Variants in COG5 observed in about 807,000 individuals in gnomAD.
The protein encoded by COG5 is component of oligomeric golgi complex 5, also known as conserved oligomeric Golgi complex subunit 5.
In COG5, 86 loss-of-function variants were observed where a neutral mutation model predicts 110.4. That is an observed-to-expected ratio of 0.78 (90% CI 0.65 to 0.93). The LOEUF is 0.93. COG5 is among the 40% of genes least tolerant of loss of function. COG5 has a pLI of 0.00. For synonymous variants in COG5, 360 were observed against 334.6 expected (o/e 1.08, Z -0.83); for missense variants, 1,077 against 987.0 (o/e 1.09, Z -1.22).
chr7:107,422,349 C>A (rs1793356072), intron 6 of COG5, among the ~76,000 whole-genome samples: 1 of 152,060 alleles, frequency 6.6e-6, no homozygotes, highest in African/African-American at 2.4e-5. Flanking sequence ...CATGGTGAAA[C>A]CCTGTCTCTA....
chr7:107,468,420 GGTGT>G (rs35406143), intron 6 of COG5, among the ~76,000 whole-genome samples: 1 of 149,512 alleles, frequency 6.7e-6, no homozygotes, highest in Admixed American at 6.7e-5. Flanking sequence ...TGTGTGCTGT[GGTGT>G]GTGTGTGTGT....
intron 11 of COG5, among the ~76,000 whole-genome samples, chr7:107,319,348 T>A (rs1809043575): frequency 6.6e-6 from 1 of 152,248 alleles, no homozygotes; most frequent in African/African-American, 2.4e-5. Flanking sequence ...TCTTCTCATG[T>A]CCACTCATTT....
At chr7:107,426,542 T>C (rs1793653629) in intron 6 of COG5, among the ~76,000 whole-genome samples, 1 of 152,148 alleles carries the variant, frequency 6.6e-6, no homozygotes, top group Non-Finnish European at 1.5e-5. Context: ...GGCTGTAGGC[T>C]TGTATCCTCA....
intron 6 of COG5, among the ~76,000 whole-genome samples, chr7:107,469,135 T>C (rs1450164210): frequency 6.6e-6 from 1 of 151,722 alleles, no homozygotes; most frequent in East Asian, 1.9e-4. Context: ...ATGATTTGGC[T>C]TTATAACTTA....
chr7:107,469,762 T>C (rs1288469483), intron 6 of COG5, among the ~76,000 whole-genome samples: 1 of 152,138 alleles, frequency 6.6e-6, no homozygotes, highest in African/African-American at 2.4e-5. Flanking sequence ...TATGTAATTC[T>C]TTCCTGTTCC....
At chr7:107,517,214 C>A (rs1162422173) in intron 6 of COG5, among the ~76,000 whole-genome samples, 3 of 151,658 alleles carry the variant, frequency 2.0e-5, no homozygotes, top group Non-Finnish European at 4.4e-5. Flanking sequence ...GTATCAACAG[C>A]CGAATAGATC....
chr7:107,535,210 G>GAC (rs1801497074), intron 5 of COG5, among the ~76,000 whole-genome samples: 1 of 151,622 alleles, frequency 6.6e-6, no homozygotes, highest in Admixed American at 6.6e-5. Flanking sequence ...GCCCACAGGA[G>GAC]AAAGTGGGAA....
chr7:107,223,563 A>G (rs1800107087), intron 19 of COG5, among the ~76,000 whole-genome samples: 1 of 152,198 alleles, frequency 6.6e-6, no homozygotes, highest in Non-Finnish European at 1.5e-5. Flanking sequence ...CCTGAATGCA[A>G]CAGAAGACAG....
intron 6 of COG5, among the ~76,000 whole-genome samples, chr7:107,485,365 C>A (rs1422206537): frequency 6.6e-6 from 1 of 152,186 alleles, no homozygotes; most frequent in Non-Finnish European, 1.5e-5. Context: ...TAAGAGCTAA[C>A]TGTGTTCTGA....
At chr7:107,357,448 T>G (rs1812726578) in intron 10 of COG5, among the ~76,000 whole-genome samples, 1 of 152,176 alleles carries the variant, frequency 6.6e-6, no homozygotes, top group Admixed American at 6.5e-5. Flanking sequence ...ACTGGTAATT[T>G]ACATTAAAAT....
chr7:107,458,314 TA>T (rs1233673856), intron 6 of COG5, among the ~76,000 whole-genome samples: 5 of 152,184 alleles, frequency 3.3e-5, no homozygotes, highest in Non-Finnish European at 7.4e-5. Context: ...AATGCCATTG[TA>T]AATATGCGGA....
chr7:107,216,010 G>A (rs563380918), intron 19 of COG5, among the ~76,000 whole-genome samples: 10 of 152,062 alleles, frequency 6.6e-5, no homozygotes, highest in African/African-American at 2.4e-4. Context: ...CGCCTGGCCC[G>A]AGACTCAACT....
chr7:107,284,835 T>G (rs1805493860), intron 12 of COG5, among the ~76,000 whole-genome samples: 1 of 152,228 alleles, frequency 6.6e-6, no homozygotes. Flanking sequence ...ACATCATCCC[T>G]GTTTACAATC....
Position 107,230,606 on chromosome 7 carries a change from C to T in COG5, c.2168+9G>A, listed in dbSNP as rs746107488. The T allele has an allele frequency of 6.2e-5, 99 of 1,596,500 alleles. No homozygotes were observed. Among genetic ancestry groups the T allele is most frequent in the Admixed American group, 1.0e-4 (6 of 59,974 alleles). ...GATATGAATGTATGAACAAAGAATT[C>T]GGTCTTACCTGAATGATCTCAGCAT... On this transcript the variant is annotated intron_variant, in intron 19 of 21. Coordinates refer to ENST00000297135, the MANE Select transcript of COG5 (RefSeq NM_006348.5).
At chr7:107,515,640 T>C (rs1799867988) in intron 6 of COG5, among the ~76,000 whole-genome samples, 1 of 152,194 alleles carries the variant, frequency 6.6e-6, no homozygotes, top group African/African-American at 2.4e-5. Context: ...AGGAGAATGA[T>C]GAATCCTTCC....
At chr7:107,307,777 G>A (rs1248963959) in intron 11 of COG5, among the ~76,000 whole-genome samples, 1 of 151,608 alleles carries the variant, frequency 6.6e-6, no homozygotes, top group Non-Finnish European at 1.5e-5. Flanking sequence ...GGGTGGGAGT[G>A]GGGTGAGGAA....
chr7:107,210,381 C>T lies in COG5; in HGVS notation c.2375+145G>A, dbSNP rs138246683. The T allele has an allele frequency of 4.1e-4, 590 of 1,455,188 alleles. No homozygotes were observed. Among genetic ancestry groups the T allele is most frequent in the Non-Finnish European group, 5.1e-4 (565 of 1,104,602 alleles). The allele number at this position is 1,455,188 out of a possible 1,614,324, so 90.1% of individuals were successfully genotyped here. A position where few individuals can be genotyped will look rare whatever the true frequency, so the allele number is the denominator to read the frequency against. ...TCCAACTGCTGGTTGCTCCAGCACC[C>T]GTGCCTAGGCAGTGAGGTGGCCCGC... On this transcript the variant is annotated intron_variant, in intron 21 of 21. Transcript: ENST00000297135.
intron 12 of COG5, among the ~76,000 whole-genome samples, chr7:107,294,803 C>T (rs1204130060): frequency 1.4e-5 from 2 of 142,300 alleles, no homozygotes; most frequent in Non-Finnish European, 3.0e-5. Flanking sequence ...GCAATCTCCA[C>T]CTCCTGGGTT....
At chr7:107,403,463 C>T (rs1011849964) in intron 7 of COG5, among the ~76,000 whole-genome samples, 1 of 151,308 alleles carries the variant, frequency 6.6e-6, no homozygotes, top group Non-Finnish European at 1.5e-5. Flanking sequence ...TAGGTATACA[C>T]GTGCCATGGT....
Sources: allele counts gnomAD v4.1 joint callset (sites outside exome capture counted in the v4.1 genomes callset), GRCh38; gene constraint gnomAD v4.1.1; transcripts MANE v1.5; gene names NCBI Gene and HGNC (gene_info 2026-07-23, HGNC 2026-07-21).